PDE4C: variants seen among roughly 807,000 people sequenced by gnomAD.
PDE4C encodes the protein phosphodiesterase 4C, also known as 3',5'-cyclic-AMP phosphodiesterase 4C.
In PDE4C, 50 loss-of-function variants were observed where a neutral mutation model predicts 63.9. That is an observed-to-expected ratio of 0.78 (90% CI 0.62 to 0.99). PDE4C has a LOEUF of 0.99. PDE4C is among the 50% of genes least tolerant of loss of function. The pLI, the probability that PDE4C is intolerant of heterozygous loss-of-function variation, is 0.00. For missense variants in PDE4C, 777 were observed against 899.1 expected, an observed-to-expected ratio of 0.86 and a Z score of 1.74; for synonymous variants, 377 against 385.1, an observed-to-expected ratio of 0.98 and a Z score of 0.25.
intron 1 of PDE4C, among the ~76,000 whole-genome samples, chr19:18,239,322 G>T (rs1286335249): frequency 6.6e-6 from 1 of 152,220 alleles, no homozygotes; most frequent in Non-Finnish European, 1.5e-5. Context: ...CAGGCTCTGG[G>T]TAAATGCTGG....
chr19:18,212,365 TAG>T (rs1407398121), intron 13 of PDE4C, among the ~76,000 whole-genome samples: 1 of 151,856 alleles, frequency 6.6e-6, no homozygotes, highest in African/African-American at 2.4e-5. Flanking sequence ...TGTATTTTTG[TAG>T]AGACGGGGTG....
chr19:18,243,118 T>C (rs569837832), intron 1 of PDE4C, among the ~76,000 whole-genome samples: 1 of 152,190 alleles, frequency 6.6e-6, no homozygotes, highest in Non-Finnish European at 1.5e-5. Context: ...GACTTTTTTT[T>C]TCTTTCGAGA....
chr19:18,222,289 T>C (rs369382669), exon 2 of PDE4C: 1 of 1,612,810 alleles, frequency 6.2e-7, no homozygotes, highest in Admixed American at 1.7e-5. Context: ...TCCAGGGCCC[T>C]CCTCCCACAC....
At chr19:18,221,227 G>A in intron 3 of PDE4C, 34 bp downstream of exon 3, 1 of 1,558,478 alleles carries the variant, frequency 6.4e-7, no homozygotes, top group Non-Finnish European at 8.6e-7. Flanking sequence ...CGGATCCGGA[G>A]GGGGTCAGGG....
chr19:18,230,030 C>T (rs922879779), upstream of PDE4C, among the ~76,000 whole-genome samples: 2 of 152,142 alleles, frequency 1.3e-5, no homozygotes, highest in African/African-American at 4.8e-5. Flanking sequence ...CAGTTAGAGT[C>T]ACCTCCTCCG....
chr19:18,250,136 C>G, upstream of PDE4C: 1 of 398,776 alleles, frequency 2.5e-6, no homozygotes. Flanking sequence ...GGGCTCACTC[C>G]TGGAGGTGGT....
upstream of PDE4C, among the ~76,000 whole-genome samples, chr19:18,249,632 G>A (rs1400684010): frequency 6.8e-6 from 1 of 146,424 alleles, no homozygotes. Context: ...GGAGTACAAT[G>A]GGGCGATCTC....
At chr19:18,218,977 T>C (rs1305452225) in exon 9 of PDE4C, 2 of 1,613,410 alleles carry the variant, frequency 1.2e-6, no homozygotes, top group African/African-American at 2.7e-5. Context: ...GAGGGGCCGG[T>C]TCCCACTTAG....
intron 1 of PDE4C, among the ~76,000 whole-genome samples, chr19:18,225,101 C>T (rs1968669086): frequency 6.6e-6 from 1 of 152,166 alleles, no homozygotes; most frequent in African/African-American, 2.4e-5. Flanking sequence ...TTTCTTTCTG[C>T]TCTAAACTTA....
chr19:18,216,655 A>G, intron 12 of PDE4C, 86 bp downstream of exon 12: 1 of 1,361,752 alleles, frequency 7.3e-7, no homozygotes, highest in Non-Finnish European at 9.9e-7. Flanking sequence ...GGCCATGCCA[A>G]TATCACCCCA....
At chr19:18,233,056 A>G in exon 1 of PDE4C, 1 of 1,569,070 alleles carries the variant, frequency 6.4e-7, no homozygotes, top group Non-Finnish European at 8.6e-7. Context: ...TCCGAATAGA[A>G]GCGCTGTTGG....
exon 1 of PDE4C, chr19:18,233,269 G>A (rs1243219068): frequency 7.2e-6 from 11 of 1,534,258 alleles, no homozygotes; most frequent in South Asian, 3.6e-5. Context: ...GTCTGCTCCC[G>A]GGTCCGGCCC....
At chr19:18,222,346 C>A in intron 1 of PDE4C, 23 bp from the exon 2 acceptor site, 1 of 1,597,486 alleles carries the variant, frequency 6.3e-7, no homozygotes, top group Non-Finnish European at 8.5e-7. Context: ...ACGGCATGGT[C>A]AGAGACGAGG....
At chr19:18,232,908 C>T (rs1568264797) in intron 1 of PDE4C, 1 of 1,421,640 alleles carries the variant, frequency 7.0e-7, no homozygotes, top group Non-Finnish European at 9.2e-7. Flanking sequence ...CCCCGCGCGC[C>T]CCTCCCCCGC....
upstream of PDE4C, among the ~76,000 whole-genome samples, chr19:18,249,251 A>G (rs187802394): frequency 1.3e-5 from 2 of 152,228 alleles, no homozygotes; most frequent in Non-Finnish European, 2.9e-5. Context: ...TTACAGTGGT[A>G]AGCCACCATG....
At chr19:18,243,814 C>G (rs529716224) in intron 1 of PDE4C, among the ~76,000 whole-genome samples, 15 of 152,194 alleles carry the variant, frequency 9.9e-5, no homozygotes, top group Admixed American at 4.6e-4. Context: ...GGGGTGTCCT[C>G]TGGTCTCAGC....
At chr19:18,219,594 T>G (rs1600076125) in intron 7 of PDE4C, 197 bp from the exon 8 acceptor site, 2 of 596,530 alleles carry the variant, frequency 3.4e-6, no homozygotes, top group Non-Finnish European at 5.8e-6. Flanking sequence ...GAGGTCGAGG[T>G]GGGCAGATCA....
upstream of PDE4C, among the ~76,000 whole-genome samples, chr19:18,252,649 GCT>G (rs936731233): frequency 2.7e-5 from 4 of 148,858 alleles, no homozygotes; most frequent in African/African-American, 9.9e-5. Context: ...ATGGCGTCTC[GCT>G]CTGTCACCCA....
chr19:18,210,075 CAGTGATGCAGTCAT>C (rs1967861556), downstream of PDE4C: 1 of 152,268 alleles, frequency 6.6e-6, no homozygotes, highest in Admixed American at 6.6e-5. Context: ...GGCTGGAGTG[CAGTGATGCAGTCAT>C]AGCTCTCTTC....
Sources: allele counts gnomAD v4.1 joint callset (sites outside exome capture counted in the v4.1 genomes callset), GRCh38; gene constraint gnomAD v4.1.1; transcripts MANE v1.5; gene names NCBI Gene and HGNC (gene_info 2026-07-23, HGNC 2026-07-21).